KCNT2: variants seen among roughly 807,000 people sequenced by gnomAD.
The protein encoded by KCNT2 is potassium channel subfamily T member 2.
A neutral mutation model predicts 153.8 loss-of-function variants in KCNT2; 67 were observed. That is an observed-to-expected ratio of 0.44 (90% CI 0.36 to 0.53). The LOEUF is 0.53. Ranked by LOEUF, KCNT2 falls within the 20% of genes least tolerant of loss-of-function variation. The probability of loss-of-function intolerance (pLI) is 0.00; values close to 1 mark genes in which losing one functional copy is unlikely to be tolerated. For synonymous variants in KCNT2, 500 were observed against 458.8 expected (o/e 1.09, Z -1.15); for missense variants, 975 against 1,354.8 (o/e 0.72, Z 4.40).
At chr1:196,528,638 T>TA (rs34887378) in intron 1 of KCNT2, among the ~76,000 whole-genome samples, 5 of 152,088 alleles carry the variant, frequency 3.3e-5, no homozygotes, top group South Asian at 4.1e-4. Context: ...GTGTTGATCG[T>TA]AAAAAAACAG....
chr1:196,333,713 T>C (rs1055858434), intron 17 of KCNT2, 134 bp downstream of exon 17: 3 of 634,572 alleles, frequency 4.7e-6, no homozygotes, highest in East Asian at 5.5e-5. Context: ...GGTAGAAGTA[T>C]ATAGGAATGA....
chr1:196,486,968 A>G, intron 3 of KCNT2, among the ~76,000 whole-genome samples: 1 of 151,978 alleles, frequency 6.6e-6, no homozygotes, highest in South Asian at 2.1e-4. Flanking sequence ...AAATATTGGA[A>G]ACATTTAATC....
chr1:196,256,709 A>AATATATATATAT (rs144323772), intron 26 of KCNT2, among the ~76,000 whole-genome samples: 21 of 144,180 alleles, frequency 1.5e-4, no homozygotes, highest in African/African-American at 4.3e-4. Context: ...TTATCATGGA[A>AATATATATATAT]ATATATATAT....
At chr1:196,257,626 A>G in intron 26 of KCNT2, 1 of 940,104 alleles carries the variant, frequency 1.1e-6, no homozygotes, top group Non-Finnish European at 1.3e-6. Context: ...CTGTGTCTAT[A>G]GTGTCTATAT....
intron 21 of KCNT2, among the ~76,000 whole-genome samples, chr1:196,308,159 C>T (rs1415474627): frequency 6.6e-6 from 1 of 151,832 alleles, no homozygotes; most frequent in Non-Finnish European, 1.5e-5. Context: ...GTCTTTTCCT[C>T]TTTTTTTTCT....
intron 25 of KCNT2, among the ~76,000 whole-genome samples, chr1:196,270,456 C>T (rs952635862): frequency 1.8e-4 from 27 of 152,124 alleles, no homozygotes; most frequent in African/African-American, 9.6e-5. Flanking sequence ...ATATATTATG[C>T]ATATTTATAT....
In KCNT2 at chr1:196,375,156, C is replaced by T. The variant is rs1020509280; in HGVS notation, c.1295-1908G>A. 4.0e-5 allele frequency among the ~76,000 whole-genome samples: 6 copies of T among 151,722 alleles called. No individual in the cohort carries two copies. The East Asian group carries it at 9.7e-4, about 24-fold the overall frequency. ...TGCATCTGAGTTTGGGGGGCAATGG[C>T]TGTGGGAAGATTTTGCTGCAGTGGC... On this transcript the variant is annotated intron_variant, in intron 13 of 27. Transcript: ENST00000294725.
intron 25 of KCNT2, among the ~76,000 whole-genome samples, chr1:196,275,323 T>A (rs1255704933): frequency 6.6e-6 from 1 of 151,778 alleles, no homozygotes; most frequent in African/African-American, 2.4e-5. Flanking sequence ...GGCATATGAC[T>A]AATTATGAAT....
intron 22 of KCNT2, among the ~76,000 whole-genome samples, chr1:196,304,291 A>G (rs1406420390): frequency 6.6e-6 from 1 of 152,204 alleles, no homozygotes; most frequent in Non-Finnish European, 1.5e-5. Flanking sequence ...TAACCAAAAA[A>G]TATAAGGCAT....
At chr1:196,275,963 A>T (rs1431611606) in intron 25 of KCNT2, among the ~76,000 whole-genome samples, 1 of 152,074 alleles carries the variant, frequency 6.6e-6, no homozygotes, top group Non-Finnish European at 1.5e-5. Context: ...TTAGAAAAAT[A>T]GCAGCTTATA....
At chr1:196,460,557 A>T (rs1188823269) in intron 8 of KCNT2, among the ~76,000 whole-genome samples, 4 of 151,722 alleles carry the variant, frequency 2.6e-5, no homozygotes, top group Non-Finnish European at 5.9e-5. Context: ...TGCGCTCATG[A>T]ATTATAAAAG....
intron 26 of KCNT2, among the ~76,000 whole-genome samples, chr1:196,237,416 T>A (rs1654540546): frequency 6.6e-6 from 1 of 151,650 alleles, no homozygotes; most frequent in African/African-American, 2.4e-5. Flanking sequence ...ATTATTACAA[T>A]CAATAGCTCA....
At chr1:196,607,612 A>C (rs895286749) in intron 1 of KCNT2, among the ~76,000 whole-genome samples, 1 of 152,216 alleles carries the variant, frequency 6.6e-6, no homozygotes, top group African/African-American at 2.4e-5. Flanking sequence ...ACCTGTTCAA[A>C]GTGAGTATAT....
At chr1:196,359,226 T>A (rs1353396260) in intron 14 of KCNT2, among the ~76,000 whole-genome samples, 6 of 152,012 alleles carry the variant, frequency 3.9e-5, no homozygotes, top group Admixed American at 3.9e-4. Flanking sequence ...CAAAGTTTCA[T>A]CGGGGACTGG....
chr1:196,471,291 G>T (rs921684044), intron 5 of KCNT2, among the ~76,000 whole-genome samples: 1 of 152,116 alleles, frequency 6.6e-6, no homozygotes, highest in African/African-American at 2.4e-5. Context: ...GATGTCATCT[G>T]ATTAGCATGG....
At chr1:196,577,347 G>A (rs1028653232) in intron 1 of KCNT2, among the ~76,000 whole-genome samples, 8 of 152,140 alleles carry the variant, frequency 5.3e-5, no homozygotes, top group African/African-American at 1.9e-4. Flanking sequence ...AACTGCCTCA[G>A]TTTATTCTTA....
At chr1:196,515,669 G>A (rs1219593275) in intron 1 of KCNT2, among the ~76,000 whole-genome samples, 1 of 152,180 alleles carries the variant, frequency 6.6e-6, no homozygotes, top group East Asian at 1.9e-4. Flanking sequence ...AGCAGCTACT[G>A]TGTGCCACTC....
Position 196,429,771 on chromosome 1 carries a change from T to C in KCNT2, c.639-14A>G. 1.3e-6 allele frequency: 2 copies of C among 1,552,760 alleles called. No homozygotes were observed. Among genetic ancestry groups the C allele is most frequent in the Non-Finnish European group, 8.7e-7 (1 of 1,143,992 alleles). On this transcript the variant is annotated splice_polypyrimidine_tract_variant and intron_variant, in intron 8 of 27. Coordinates refer to ENST00000294725, the MANE Select transcript of KCNT2 (RefSeq NM_198503.5). ...ATCCCACAAATGCTAAAGAAACAAATATGCATTACAATTAAATCTTTCAAA... is the reference window on the plus strand; with the variant it reads ...ATCCCACAAATGCTAAAGAAACAAACATGCATTACAATTAAATCTTTCAAA...
chr1:196,566,176 T>C (rs1317228357), intron 1 of KCNT2, among the ~76,000 whole-genome samples: 1 of 152,014 alleles, frequency 6.6e-6, no homozygotes, highest in Non-Finnish European at 1.5e-5. Flanking sequence ...GATCCTTTAT[T>C]GCCAAGGAGA....
Sources: gnomAD v4.1 joint callset for allele counts (sites outside exome capture counted in the v4.1 genomes callset) on GRCh38, gnomAD v4.1.1 for gene constraint, MANE v1.5 for transcripts, NCBI Gene and HGNC (gene_info 2026-07-23, HGNC 2026-07-21) for gene names.